Variants in CTNND2 observed in about 807,000 individuals in gnomAD.
The protein encoded by CTNND2 is catenin delta 2.
CTNND2 carries 22 observed loss-of-function variants against 144.4 expected under a neutral mutation model. The observed-to-expected ratio is 0.15, with a 90% CI of 0.11 to 0.22. The LOEUF (loss-of-function observed/expected upper bound fraction) is 0.22, where lower values mean the gene tolerates loss of function less well. Ranked by LOEUF, CTNND2 falls within the 10% of genes least tolerant of loss-of-function variation. CTNND2 has a pLI of 1.00. For missense variants in CTNND2, 1,353 were observed against 1,618.8 expected, an observed-to-expected ratio of 0.84 and a Z score of 2.82; for synonymous variants, 751 against 695.6, an observed-to-expected ratio of 1.08 and a Z score of -1.25.
At chr5:11,850,584 T>C (rs887310351) in intron 1 of CTNND2, among the ~76,000 whole-genome samples, 1 of 152,184 alleles carries the variant, frequency 6.6e-6, no homozygotes, top group African/African-American at 2.4e-5. Flanking sequence ...ATAAAAAATA[T>C]TTCTTAAAAA....
chr5:11,208,877 T>C (rs566871417), intron 10 of CTNND2, among the ~76,000 whole-genome samples: 6 of 152,318 alleles, frequency 3.9e-5, no homozygotes, highest in South Asian at 2.1e-4. Context: ...ATACTTAGCA[T>C]TGCTAAATTC....
intron 1 of CTNND2, among the ~76,000 whole-genome samples, chr5:11,895,943 A>G (rs1737362661): frequency 6.6e-6 from 1 of 152,184 alleles, no homozygotes; most frequent in African/African-American, 2.4e-5. Flanking sequence ...TTTTCTCATT[A>G]CAACACCCAG....
At chr5:11,650,827 T>G (rs1782609033) in intron 2 of CTNND2, among the ~76,000 whole-genome samples, 3 of 152,208 alleles carry the variant, frequency 2.0e-5, no homozygotes, top group Admixed American at 1.3e-4. Context: ...AGGTGTGGCC[T>G]GGCTGCTTCT....
intron 1 of CTNND2, among the ~76,000 whole-genome samples, chr5:11,736,585 G>A (rs1042122032): frequency 5.9e-5 from 9 of 152,144 alleles, no homozygotes; most frequent in African/African-American, 2.2e-4. Context: ...CAAAAGACCT[G>A]CCCCAGTGAA....
At chr5:11,599,872 T>C (rs1298126109) in intron 2 of CTNND2, among the ~76,000 whole-genome samples, 1 of 152,138 alleles carries the variant, frequency 6.6e-6, no homozygotes, top group Non-Finnish European at 1.5e-5. Flanking sequence ...AAAGTGGAAG[T>C]TTCTTCTGCT....
At chr5:10,974,852 C>G (rs1348191127) in intron 21 of CTNND2, among the ~76,000 whole-genome samples, 3 of 152,174 alleles carry the variant, frequency 2.0e-5, no homozygotes, top group Non-Finnish European at 4.4e-5. Flanking sequence ...CTTTTAAAGG[C>G]TTACACATAA....
intron 9 of CTNND2, among the ~76,000 whole-genome samples, chr5:11,324,524 T>TTCAC (rs1334953151): frequency 6.6e-6 from 1 of 152,230 alleles, no homozygotes; most frequent in Non-Finnish European, 1.5e-5. Context: ...AAAGTATGCC[T>TTCAC]TCACTTGTAT....
chr5:11,075,817 G>A (rs1748886261), intron 16 of CTNND2, among the ~76,000 whole-genome samples: 1 of 152,242 alleles, frequency 6.6e-6, no homozygotes, highest in Non-Finnish European at 1.5e-5. Flanking sequence ...ATTAGAGTCT[G>A]GATTTGAGAG....
intron 16 of CTNND2, among the ~76,000 whole-genome samples, chr5:11,079,854 G>C (rs1402373617): frequency 6.6e-6 from 1 of 152,148 alleles, no homozygotes; most frequent in Non-Finnish European, 1.5e-5. Context: ...TTAAATGTAA[G>C]ACCTAAACTA....
intron 3 of CTNND2, among the ~76,000 whole-genome samples, chr5:11,502,743 C>T (rs1176519196): frequency 6.6e-6 from 1 of 152,124 alleles, no homozygotes; most frequent in African/African-American, 2.4e-5. Flanking sequence ...TCCACCCTCA[C>T]CAACTCCTGA....
chr5:11,554,980 A>G (rs986045089), intron 3 of CTNND2, among the ~76,000 whole-genome samples: 2 of 151,814 alleles, frequency 1.3e-5, no homozygotes, highest in African/African-American at 4.8e-5. Context: ...GAATAATACA[A>G]TAGATAATAT....
intron 1 of CTNND2, among the ~76,000 whole-genome samples, chr5:11,778,645 A>C (rs1240265105): frequency 6.6e-6 from 1 of 152,212 alleles, no homozygotes; most frequent in African/African-American, 2.4e-5. Flanking sequence ...AAGTCTGAGA[A>C]ACTGCCACAG....
chr5:11,407,782 G>A (rs979919308), intron 5 of CTNND2, among the ~76,000 whole-genome samples: 2 of 152,128 alleles, frequency 1.3e-5, no homozygotes, highest in African/African-American at 4.8e-5. Flanking sequence ...AGAATCTGAT[G>A]GGCTTTTCCT....
In CTNND2 at chr5:11,798,028, T is replaced by C. The variant is rs552437029; in HGVS notation, c.38-65756A>G. Among the ~76,000 whole-genome samples the C allele has an allele frequency of 1.4e-4, 21 of 151,428 alleles. No individual in the cohort carries two copies. In the East Asian group the frequency reaches 4.2e-3, roughly 30 times the overall value. On this transcript the variant is annotated intron_variant, in intron 1 of 21. Coordinates refer to ENST00000304623, the MANE Select transcript of CTNND2 (RefSeq NM_001332.4). ...ATCCTAGCATTTTGGGAGGCCAAGG[T>C]GGGCAGATCACCTGAGGTGAGGAGT...
chr5:11,841,858 G>A lies in CTNND2; in HGVS notation c.37+61959C>T, dbSNP rs73048703. On this transcript the variant is annotated intron_variant, in intron 1 of 21. Transcript: ENST00000304623. ...AGAGTTTTCTCTAATAGCTCATCTA[G>A]TATCCATCCAATTCCAATGGAACCA... is the stretch of plus-strand genomic sequence containing the variant. Among the ~76,000 whole-genome samples, 451 of 151,272 alleles carry A rather than the reference G, an allele frequency of 3.0e-3. 6 individuals carry two copies. Among genetic ancestry groups the A allele is most frequent in the African/African-American group, 0.01 (412 of 41,166 alleles).
intron 10 of CTNND2, among the ~76,000 whole-genome samples, chr5:11,229,645 C>CGT (rs34293828): frequency 1.4e-3 from 196 of 143,488 alleles, no homozygotes; most frequent in South Asian, 5.1e-3. Context: ...AGCCATATTG[C>CGT]GTGTGTGTGT....
chr5:11,481,605 G>A (rs1182961606), intron 3 of CTNND2, among the ~76,000 whole-genome samples: 1 of 152,014 alleles, frequency 6.6e-6, no homozygotes, highest in Non-Finnish European at 1.5e-5. Context: ...CCTGGAGAGA[G>A]GGAGAGGGAG....
At chr5:11,023,134 TAC>T (rs1742455895) in intron 16 of CTNND2, among the ~76,000 whole-genome samples, 155 bp from the exon 17 acceptor site, 2 of 152,220 alleles carry the variant, frequency 1.3e-5, no homozygotes, top group African/African-American at 4.8e-5. Context: ...TGGGTAGTTT[TAC>T]ACACATCTAC....
chr5:11,174,164 C>T (rs1036228227), intron 11 of CTNND2, among the ~76,000 whole-genome samples: 1 of 152,104 alleles, frequency 6.6e-6, no homozygotes, highest in Non-Finnish European at 1.5e-5. Flanking sequence ...TTGTGGGCTC[C>T]AGTTTGGGAT....
Sources: allele counts gnomAD v4.1 joint callset (sites outside exome capture counted in the v4.1 genomes callset), GRCh38; gene constraint gnomAD v4.1.1; transcripts MANE v1.5; gene names NCBI Gene and HGNC (gene_info 2026-07-23, HGNC 2026-07-21).